Variants in IQCH observed in about 807,000 individuals in gnomAD.
IQCH encodes the protein IQ domain-containing protein H.
IQCH carries 98 observed loss-of-function variants against 117.0 expected under a neutral mutation model. The ratio of observed to expected loss-of-function variants is 0.84; its 90% CI spans 0.71 to 0.99. The LOEUF is 0.99. IQCH is among the 50% of genes least tolerant of loss of function. The pLI is 0.00. For synonymous variants in IQCH, 412 were observed against 448.2 expected, an observed-to-expected ratio of 0.92 and a Z score of 1.02; for missense variants, 1,102 against 1,243.8, an observed-to-expected ratio of 0.89 and a Z score of 1.72.
intron 4 of IQCH, among the ~76,000 whole-genome samples, chr15:67,333,457 A>G (rs1018988355): frequency 3.9e-5 from 6 of 152,210 alleles, no homozygotes; most frequent in Non-Finnish European, 7.3e-5. Context: ...TTTTTTCCTC[A>G]TGTAAAATTA....
intron 10 of IQCH, among the ~76,000 whole-genome samples, chr15:67,380,134 G>A (rs7169975): frequency 0.02 from 3,015 of 152,310 alleles, 88 homozygotes; most frequent in African/African-American, 0.065. Flanking sequence ...TTACAGGTGT[G>A]AGCCACTGTG....
intron 18 of IQCH, among the ~76,000 whole-genome samples, chr15:67,477,080 C>G (rs2083223249): frequency 2.0e-5 from 2 of 101,572 alleles, no homozygotes; most frequent in African/African-American, 3.9e-5. Flanking sequence ...GAGACAGAGT[C>G]TCATTCTGTC....
At position 67,373,443 on chromosome 15, in the gene IQCH, T is replaced by C. The variant is rs771384771; in HGVS notation, c.1372+10T>C. The C allele has an allele frequency of 6.3e-6, 10 of 1,582,896 alleles. No individual in the cohort carries two copies. The highest frequency in any genetic ancestry group is 5.0e-5 in the Admixed American group (3 of 59,944). ...CATATCCCATCATTAGGTATAACAC[T>C]TTTGCCTGCAAATCTATCAGCAACC... On this transcript the variant is annotated intron_variant, in intron 10 of 20. Coordinates refer to ENST00000335894, the MANE Select transcript of IQCH (RefSeq NM_001031715.3).
At chr15:67,478,758 T>C (rs370483926) in intron 18 of IQCH, among the ~76,000 whole-genome samples, 12 of 151,926 alleles carry the variant, frequency 7.9e-5, no homozygotes, top group African/African-American at 2.4e-4. Context: ...ACCCCGTCTG[T>C]ACTAAAAATA....
chr15:67,487,954 A>G (rs1280971208), intron 18 of IQCH, among the ~76,000 whole-genome samples: 1 of 151,772 alleles, frequency 6.6e-6, no homozygotes, highest in East Asian at 1.9e-4. Flanking sequence ...TTTTCAAAGG[A>G]AAAAAAAAAG....
In IQCH at chr15:67,473,860, G is replaced by C. The variant is rs2083131783; in HGVS notation, c.2677-1836G>C. On this transcript the variant is annotated intron_variant, in intron 17 of 20. Transcript: ENST00000335894. This position sits in a 1 kb window ranked among gnomAD's most constrained non-coding sequence, Gnocchi z 4.9. ...TGGCTACAAATGGGACGCTACAAGTGGGGTAAACAACTCAAGATGTATTAG... is the reference window on the plus strand; with the variant it reads ...TGGCTACAAATGGGACGCTACAAGTCGGGTAAACAACTCAAGATGTATTAG... Among the ~76,000 whole-genome samples, 4 of 151,892 alleles carry C rather than the reference G, an allele frequency of 2.6e-5. No individual in the cohort carries two copies. The South Asian group carries it at 8.3e-4, about 32-fold the overall frequency.
intron 1 of IQCH, among the ~76,000 whole-genome samples, chr15:67,256,633 A>C (rs1312868011): frequency 1.3e-5 from 2 of 152,210 alleles, no homozygotes; most frequent in Non-Finnish European, 2.9e-5. Flanking sequence ...TTTGCTGCAC[A>C]TACCCACTCT....
At position 67,454,708 on chromosome 15, in the gene IQCH, C is replaced by T. The variant is rs184175266; in HGVS notation, c.2506-10419C>T. On this transcript the variant is annotated intron_variant, in intron 16 of 20. Transcript: ENST00000335894. This position sits in a 1 kb window ranked among gnomAD's most constrained non-coding sequence, Gnocchi z 5.2. Reference sequence around the variant, plus strand: ...AGTTTCTATAATGTTTTCAAGGTTCCATCATGTTGTAGCATATATCAATGC... The same window carrying T: ...AGTTTCTATAATGTTTTCAAGGTTCTATCATGTTGTAGCATATATCAATGC... Among the ~76,000 whole-genome samples the T allele has an allele frequency of 9.9e-5, 15 of 152,202 alleles. No homozygotes were observed. Among genetic ancestry groups the T allele is most frequent in the African/African-American group, 3.6e-4 (15 of 41,508 alleles).
At chr15:67,371,527 G>T in intron 8 of IQCH, 1 of 1,559,164 alleles carries the variant, frequency 6.4e-7, no homozygotes, top group South Asian at 1.2e-5. Context: ...ACCTAAGAAT[G>T]ACAAAGGTGA....
At chr15:67,304,332 G>A in intron 4 of IQCH, 1 of 1,446,306 alleles carries the variant, frequency 6.9e-7, no homozygotes, top group South Asian at 1.3e-5. Flanking sequence ...TTGTTTCTTT[G>A]TTTCAGCGAA....
At chr15:67,287,858 T>C (rs1238830499) in intron 4 of IQCH, among the ~76,000 whole-genome samples, 1 of 152,086 alleles carries the variant, frequency 6.6e-6, no homozygotes, top group Non-Finnish European at 1.5e-5. Flanking sequence ...TTCCTTTTTT[T>C]GGATGTAGTT....
chr15:67,307,007 G>T (rs1967331035), intron 4 of IQCH: 1 of 1,334,662 alleles, frequency 7.5e-7, no homozygotes, highest in Non-Finnish European at 9.6e-7. Context: ...ACATGTATCT[G>T]TTAACATGAA....
At chr15:67,374,585 C>A (rs1430404949) in intron 10 of IQCH, among the ~76,000 whole-genome samples, 1 of 152,008 alleles carries the variant, frequency 6.6e-6, no homozygotes, top group Non-Finnish European at 1.5e-5. Flanking sequence ...GTACTTAGAT[C>A]TAAGTACTTA....
At chr15:67,343,748 TGATTGAAAATATCATAAGTATAAA>T (rs1185241163) in intron 5 of IQCH, among the ~76,000 whole-genome samples, 1 of 152,216 alleles carries the variant, frequency 6.6e-6, no homozygotes, top group Admixed American at 6.5e-5. Flanking sequence ...ATATTACCAA[TGATTGAAAATATCATAAGTATAAA>T]GAAGTTTTAG....
intron 6 of IQCH, among the ~76,000 whole-genome samples, chr15:67,345,929 C>G (rs958977639): frequency 6.6e-6 from 1 of 152,086 alleles, no homozygotes; most frequent in Non-Finnish European, 1.5e-5. Context: ...CAGGACCGTT[C>G]TAGATCATCT....
In IQCH at chr15:67,413,070, GGT is replaced by G. The variant is rs35806920; in HGVS notation, c.2098-3832_2098-3831del. 0.016 allele frequency among the ~76,000 whole-genome samples: 2,407 copies of G among 147,562 alleles called. 48 individuals carry two copies. The highest frequency in any genetic ancestry group is 0.049 in the African/African-American group (1,987 of 40,508). ...ATTGGAGTGTTTGTCTGTTATGGAA[GGT>G]GTGTGTGTGTGTGTGTGTGTGTGTG... On this transcript the variant is annotated intron_variant, in intron 14 of 20. Transcript: ENST00000335894. This position sits in a 1 kb window ranked among gnomAD's most constrained non-coding sequence, Gnocchi z 5.0.
intron 18 of IQCH, among the ~76,000 whole-genome samples, chr15:67,485,324 T>C: frequency 6.6e-6 from 1 of 152,008 alleles, no homozygotes; most frequent in Non-Finnish European, 1.5e-5. Flanking sequence ...TCAGAACAAA[T>C]GACTAGCGAA....
At chr15:67,420,933 T>A (rs1443239582) in intron 15 of IQCH, among the ~76,000 whole-genome samples, 1 of 152,242 alleles carries the variant, frequency 6.6e-6, no homozygotes, top group Non-Finnish European at 1.5e-5. Flanking sequence ...TATGGGCCGT[T>A]AATTCCCCAT....
chr15:67,488,737 A>C (rs2083561182), intron 18 of IQCH, among the ~76,000 whole-genome samples: 1 of 152,200 alleles, frequency 6.6e-6, no homozygotes, highest in South Asian at 2.1e-4. Context: ...GATTCTCATA[A>C]GGAGCATGCA....
Sources: gnomAD v4.1 joint callset for allele counts (sites outside exome capture counted in the v4.1 genomes callset) on GRCh38, gnomAD v4.1.1 for gene constraint, Gnocchi (gnomAD v3.1) non-coding constraint, MANE v1.5 for transcripts, NCBI Gene and HGNC (gene_info 2026-07-23, HGNC 2026-07-21) for gene names.